The following TSHZ2 variants were observed in gnomAD, a reference collection of about 807,000 sequenced individuals.
The protein encoded by TSHZ2 is teashirt homolog 2.
In TSHZ2, 21 loss-of-function variants were observed where a neutral mutation model predicts 74.4. The ratio of observed to expected loss-of-function variants is 0.28; its 90% CI spans 0.20 to 0.41. The LOEUF is 0.41. Ranked by LOEUF, TSHZ2 falls within the 10% of genes least tolerant of loss-of-function variation. The pLI is 1.00. For synonymous variants in TSHZ2, 540 were observed against 515.3 expected (o/e 1.05, Z -0.65); for missense variants, 1,244 against 1,293.5 (o/e 0.96, Z 0.59).
At chr20:53,228,828 G>T (rs1332275629) in intron 1 of TSHZ2, among the ~76,000 whole-genome samples, 1 of 152,126 alleles carries the variant, frequency 6.6e-6, no homozygotes, top group Non-Finnish European at 1.5e-5. Context: ...ATGTCCAGTT[G>T]GGGGGAAAAA....
intron 2 of TSHZ2, among the ~76,000 whole-genome samples, chr20:53,473,640 G>A (rs1261160709): frequency 6.6e-6 from 1 of 150,790 alleles, no homozygotes; most frequent in Non-Finnish European, 1.5e-5. Context: ...ACCAGCAACG[G>A]AACAAAGCTG....
chr20:52,987,731 C>A (rs1413035167), intron 1 of TSHZ2, among the ~76,000 whole-genome samples: 3 of 152,206 alleles, frequency 2.0e-5, no homozygotes, highest in African/African-American at 7.2e-5. Context: ...TGAAACAGAG[C>A]CCAGAAAAGT....
chr20:53,384,950 G>A (rs913112705), intron 2 of TSHZ2, among the ~76,000 whole-genome samples: 2 of 152,160 alleles, frequency 1.3e-5, no homozygotes, highest in Non-Finnish European at 2.9e-5. Flanking sequence ...GTGAAACCCC[G>A]TCTCTACTAA....
intron 1 of TSHZ2, among the ~76,000 whole-genome samples, chr20:52,980,897 A>G (rs1183549957): frequency 6.6e-6 from 1 of 152,162 alleles, no homozygotes; most frequent in Non-Finnish European, 1.5e-5. Context: ...TCAATTTATC[A>G]GATCCTTGGA....
At chr20:53,007,491 G>T (rs1301598246) in intron 1 of TSHZ2, among the ~76,000 whole-genome samples, 1 of 152,178 alleles carries the variant, frequency 6.6e-6, no homozygotes, top group Non-Finnish European at 1.5e-5. Flanking sequence ...CACAAAATAC[G>T]TGTTGGATAA....
intron 1 of TSHZ2, among the ~76,000 whole-genome samples, chr20:52,990,184 G>A (rs80233738): frequency 0.014 from 2,133 of 151,978 alleles, 20 homozygotes; most frequent in Middle Eastern, 0.027. Flanking sequence ...ACTGGATGTA[G>A]TAAGAAAATC....
rs1472737687 is a variant in TSHZ2 at position 53,495,281 on chromosome 20, G to A, written c.*8146G>A. 2 of 152,156 alleles carry A rather than the reference G, an allele frequency of 1.3e-5. No individual in the cohort carries two copies. Among genetic ancestry groups the A allele is most frequent in the African/African-American group, 2.4e-5 (1 of 41,420 alleles). 9.4% of individuals were successfully genotyped at this position (152,156 alleles called of 1,614,324 possible). A position where few individuals can be genotyped will look rare whatever the true frequency, so the allele number is the denominator to read the frequency against. ...CTTTCTGGAGATGTTACTGTTAAAT[G>A]TCTTTCTACATCAGGCTTAATAAAT... On this transcript the variant is annotated 3_prime_UTR_variant, in exon 3 of 3. Transcript: ENST00000371497.
rs142117800 is a variant in TSHZ2 at position 53,269,319 on chromosome 20, T to C, written c.*8+12748T>C. Among the ~76,000 whole-genome samples, 224 of 152,084 alleles carry C rather than the reference T, an allele frequency of 1.5e-3. 1 individual carries two copies. Among genetic ancestry groups the C allele is most frequent in the African/African-American group, 5.2e-3 (216 of 41,470 alleles). Reference sequence around the variant, plus strand: ...CTTTATTTGAAGGAATAAAGAGAGATTGTAAGTATAGATTTATCTAAAACA... The same window carrying C: ...CTTTATTTGAAGGAATAAAGAGAGACTGTAAGTATAGATTTATCTAAAACA... On this transcript the variant is annotated intron_variant, in intron 2 of 2. Coordinates refer to ENST00000371497, the MANE Select transcript of TSHZ2 (RefSeq NM_173485.6).
At chr20:53,469,605 A>C in intron 2 of TSHZ2, among the ~76,000 whole-genome samples, 1 of 85,380 alleles carries the variant, frequency 1.2e-5, no homozygotes. Flanking sequence ...AGGACCCAAG[A>C]AAGATAGATA....
chr20:53,437,061 A>G (rs1228203474), intron 2 of TSHZ2, among the ~76,000 whole-genome samples: 1 of 152,198 alleles, frequency 6.6e-6, no homozygotes, highest in Non-Finnish European at 1.5e-5. Context: ...CCTAGAAAAG[A>G]GTATGCCCTC....
rs1009547443 is a variant in TSHZ2, at chr20:53,219,948, A to G, written c.41-33551A>G. On this transcript the variant is annotated intron_variant, in intron 1 of 2. Coordinates refer to ENST00000371497, the MANE Select transcript of TSHZ2 (RefSeq NM_173485.6). ...TGACTCCTCGATTTTGCAAAAGGAAACTGGAGATCTGTCAAGGGATACTCG... is the reference window on the plus strand; with the variant it reads ...TGACTCCTCGATTTTGCAAAAGGAAGCTGGAGATCTGTCAAGGGATACTCG... Among the ~76,000 whole-genome samples the G allele has an allele frequency of 3.9e-5, 6 of 152,208 alleles. 1 individual carries two copies. Among genetic ancestry groups the G allele is most frequent in the African/African-American group, 1.2e-4 (5 of 41,444 alleles).
chr20:53,426,224 G>A (rs1983650377), intron 2 of TSHZ2, among the ~76,000 whole-genome samples: 1 of 152,160 alleles, frequency 6.6e-6, no homozygotes, highest in Non-Finnish European at 1.5e-5. Context: ...AAATAAAATG[G>A]AGAAGAAGAA....
rs143097951 is a variant in TSHZ2 at position 53,308,167 on chromosome 20, G to A, written c.*8+51596G>A. Among the ~76,000 whole-genome samples the A allele has an allele frequency of 5.2e-3, 791 of 152,340 alleles. 4 individuals are homozygous for A. Among genetic ancestry groups the A allele is most frequent in the South Asian group, 0.014 (69 of 4,830 alleles). ...AGAAAAATAAAGAAGAAATAGACATGTGTACTGGGGAGTCATGTTTGGTCT... is the reference window on the plus strand; with the variant it reads ...AGAAAAATAAAGAAGAAATAGACATATGTACTGGGGAGTCATGTTTGGTCT... On this transcript the variant is annotated intron_variant, in intron 2 of 2. Coordinates refer to ENST00000371497, the MANE Select transcript of TSHZ2 (RefSeq NM_173485.6).
chr20:53,111,390 C>T (rs1986531112), intron 1 of TSHZ2, among the ~76,000 whole-genome samples: 1 of 152,132 alleles, frequency 6.6e-6, no homozygotes, highest in Admixed American at 6.5e-5. Flanking sequence ...CATAAAATAA[C>T]AAAAGTTTAT....
chr20:53,215,349 G>A (rs76868466), intron 1 of TSHZ2, among the ~76,000 whole-genome samples: 1,847 of 151,938 alleles, frequency 0.012, 30 homozygotes, highest in African/African-American at 0.042. Context: ...TATGAAAAGC[G>A]TTCTCACCAC....
intron 1 of TSHZ2, among the ~76,000 whole-genome samples, chr20:53,211,977 ACTG>A (rs1555836583): frequency 6.6e-6 from 1 of 152,120 alleles, no homozygotes; most frequent in Non-Finnish European, 1.5e-5. Context: ...TGAAGACAAA[ACTG>A]CTGATGGCCA....
intron 2 of TSHZ2, among the ~76,000 whole-genome samples, chr20:53,340,427 G>T (rs549939727): frequency 6.6e-6 from 1 of 151,876 alleles, no homozygotes; most frequent in Non-Finnish European, 1.5e-5. Flanking sequence ...CTCGTGATCC[G>T]CCTGCCTTGG....
In TSHZ2 at chr20:53,151,827, A is replaced by G. The variant is rs115347734; in HGVS notation, c.41-101672A>G. On this transcript the variant is annotated intron_variant, in intron 1 of 2. Transcript: ENST00000371497. ...TTGGTCATAATTGATACATATGGATACCATTGGTGATTATTCTTTAGCATA... is the reference window on the plus strand; with the variant it reads ...TTGGTCATAATTGATACATATGGATGCCATTGGTGATTATTCTTTAGCATA... Among the ~76,000 whole-genome samples, 870 of 152,304 alleles carry G rather than the reference A, an allele frequency of 5.7e-3. 8 individuals are homozygous for G. The highest frequency in any genetic ancestry group is 0.02 in the African/African-American group (838 of 41,558).
At chr20:53,020,733 G>A (rs1568722956) in intron 1 of TSHZ2, among the ~76,000 whole-genome samples, 1 of 152,198 alleles carries the variant, frequency 6.6e-6, no homozygotes, top group Non-Finnish European at 1.5e-5. Context: ...ACCAGGGATA[G>A]CCTCAGGTTT....
Sources: gnomAD v4.1 joint callset for allele counts (sites outside exome capture counted in the v4.1 genomes callset) on GRCh38, gnomAD v4.1.1 for gene constraint, MANE v1.5 for transcripts, NCBI Gene and HGNC (gene_info 2026-07-23, HGNC 2026-07-21) for gene names.